The following ITGB6 variants were observed in gnomAD, a reference collection of about 807,000 sequenced individuals.
ITGB6 encodes integrin subunit beta 6, also known as integrin beta-6.
Under a neutral mutation model 84.5 loss-of-function variants are expected in ITGB6, and 80 were observed. The observed-to-expected ratio is 0.95, with a 90% CI of 0.79 to 1.14. The LOEUF (loss-of-function observed/expected upper bound fraction) is 1.14. Among genes scored for constraint, ITGB6 ranks in the 50% most tolerant of loss-of-function variants. The pLI is 0.00. For synonymous variants in ITGB6, 383 were observed against 354.9 expected (o/e 1.08, Z -0.89); for missense variants, 1,006 against 968.0 (o/e 1.04, Z -0.52).
At chr2:160,116,131 G>A (rs1193262466) in intron 12 of ITGB6, among the ~76,000 whole-genome samples, 3 of 147,698 alleles carry the variant, frequency 2.0e-5, no homozygotes, top group Non-Finnish European at 4.5e-5. Context: ...AGCAAGGCAG[G>A]CCAACGTTCA....
At chr2:160,103,144 T>C (rs1475160013) in intron 14 of ITGB6, among the ~76,000 whole-genome samples, 2 of 152,194 alleles carry the variant, frequency 1.3e-5, no homozygotes, top group African/African-American at 4.8e-5. Flanking sequence ...CCTCATTCCA[T>C]GAATTATAGC....
At chr2:160,117,478 A>C (rs139572962) in intron 12 of ITGB6, among the ~76,000 whole-genome samples, 3,815 of 152,260 alleles carry the variant, frequency 0.025, 60 homozygotes, top group Middle Eastern at 0.044. Flanking sequence ...AGAACAAAGA[A>C]ACAACATACC....
In ITGB6 at chr2:160,101,457, C is replaced by T; in HGVS notation, c.*279G>A. On this transcript the variant is annotated 3_prime_UTR_variant, in exon 15 of 15. Coordinates refer to ENST00000283249, the MANE Select transcript of ITGB6 (RefSeq NM_000888.5). The stretch of plus-strand genomic sequence containing the variant: ...AACATTTTTCAAATGCAAATCAGGC[C>T]CCCATGAATCATTTGATGATTTTTT... The T allele has an allele frequency of 3.1e-6, 1 of 325,434 alleles. No homozygotes were observed. The highest frequency in any genetic ancestry group is 5.6e-6 in the Non-Finnish European group (1 of 178,182). 20.2% of individuals were successfully genotyped at this position (325,434 alleles called of 1,614,324 possible).
At chr2:160,159,874 G>T (rs1459824827) in intron 7 of ITGB6, among the ~76,000 whole-genome samples, 1 of 152,038 alleles carries the variant, frequency 6.6e-6, no homozygotes, top group Non-Finnish European at 1.5e-5. Context: ...AGTTGTAATT[G>T]GTTGTTTTTT....
rs566349689 is a variant in ITGB6, at chr2:160,189,012, C to T, written c.593+6357G>A. 8.0e-4 allele frequency among the ~76,000 whole-genome samples: 122 copies of T among 152,116 alleles called. No individual in the cohort carries two copies. The Middle Eastern group carries it at 0.02, about 25-fold the overall frequency. On this transcript the variant is annotated intron_variant, in intron 4 of 14. Coordinates refer to ENST00000283249, the MANE Select transcript of ITGB6 (RefSeq NM_000888.5). The stretch of plus-strand genomic sequence containing the variant: ...ACTGGTACCAAAACAGAGATATAGA[C>T]CAATGGAACAGAACAGAGCCCTCAG...
intron 10 of ITGB6, 112 bp downstream of exon 10, chr2:160,137,322 A>C (rs1683779479): frequency 1.0e-6 from 1 of 1,001,032 alleles, no homozygotes; most frequent in South Asian, 1.6e-5. Flanking sequence ...CTGATCAGCA[A>C]ATATTTATTG....
intron 4 of ITGB6, among the ~76,000 whole-genome samples, chr2:160,185,027 T>C (rs924491728): frequency 3.3e-5 from 5 of 152,212 alleles, no homozygotes; most frequent in Non-Finnish European, 1.5e-5. Context: ...AATATCATAC[T>C]GAATGGGCAA....
intron 7 of ITGB6, among the ~76,000 whole-genome samples, chr2:160,145,570 T>A (rs1364915769): frequency 6.6e-6 from 1 of 152,192 alleles, no homozygotes; most frequent in Admixed American, 6.5e-5. Flanking sequence ...CAGGCAGATG[T>A]GATACAGAGG....
At chr2:160,176,173 G>A (rs1423755894) in intron 4 of ITGB6, among the ~76,000 whole-genome samples, 1 of 152,178 alleles carries the variant, frequency 6.6e-6, no homozygotes, top group Non-Finnish European at 1.5e-5. Flanking sequence ...ACCCCAGAAT[G>A]GATGTTCTTG....
At chr2:160,141,378 C>T (rs935525687) in intron 8 of ITGB6, among the ~76,000 whole-genome samples, 4 of 151,958 alleles carry the variant, frequency 2.6e-5, no homozygotes, top group Non-Finnish European at 4.4e-5. Flanking sequence ...ATAACAACAC[C>T]GTAGGTATAT....
At chr2:160,197,224 A>G (rs1686377784) in intron 2 of ITGB6, among the ~76,000 whole-genome samples, 1 of 152,048 alleles carries the variant, frequency 6.6e-6, no homozygotes, top group Admixed American at 6.5e-5. Flanking sequence ...TGAACCCGGG[A>G]GGCAGAGCTT....
intron 4 of ITGB6, among the ~76,000 whole-genome samples, chr2:160,176,494 T>G (rs1685425620): frequency 6.6e-6 from 1 of 152,202 alleles, no homozygotes; most frequent in Admixed American, 6.5e-5. Context: ...AAGACAACCT[T>G]ATTCTCTTAT....
chr2:160,119,155 G>A (rs1682913308), intron 12 of ITGB6, among the ~76,000 whole-genome samples: 1 of 152,068 alleles, frequency 6.6e-6, no homozygotes, highest in Non-Finnish European at 1.5e-5. Context: ...CACAGAATTG[G>A]AAAAAACTAC....
Position 160,195,422 on chromosome 2 carries a change from T to C in ITGB6, c.540A>G (p.Lys180=). The C allele has an allele frequency of 1.2e-6, 2 of 1,614,090 alleles. No individual in the cohort carries two copies. The highest frequency in any genetic ancestry group is 1.7e-6 in the Non-Finnish European group (2 of 1,179,990). ...TTGTTTTCACAAAAGGGGATACAGG[T>C]TTTTCCACAAAAGATCCGAAGCCCA... ...FRLGFGSFVE[K]PVSPFVKTTP... The change falls in exon 4 of 15, where the codon AAA becomes AAG. Residue 180 remains lysine (K), a synonymous_variant. Coordinates refer to ENST00000283249, the MANE Select transcript of ITGB6 (RefSeq NM_000888.5).
intron 12 of ITGB6, among the ~76,000 whole-genome samples, chr2:160,122,332 A>C (rs938942532): frequency 3.9e-5 from 6 of 152,208 alleles, no homozygotes; most frequent in Non-Finnish European, 7.3e-5. Context: ...ACTTAAATAT[A>C]GTAAGTACCT....
chr2:160,116,829 C>T (rs1682792120), intron 12 of ITGB6, among the ~76,000 whole-genome samples: 1 of 151,546 alleles, frequency 6.6e-6, no homozygotes, highest in Admixed American at 6.6e-5. Flanking sequence ...ATCTACCAAG[C>T]AAATGGAAAA....
intron 7 of ITGB6, among the ~76,000 whole-genome samples, chr2:160,154,012 G>A (rs1684529171): frequency 6.6e-6 from 1 of 152,218 alleles, no homozygotes; most frequent in Non-Finnish European, 1.5e-5. Flanking sequence ...AACCATTGTG[G>A]AAGACAGTGT....
At chr2:160,181,151 C>T (rs1685652085) in intron 4 of ITGB6, among the ~76,000 whole-genome samples, 1 of 152,120 alleles carries the variant, frequency 6.6e-6, no homozygotes, top group South Asian at 2.1e-4. Flanking sequence ...CGTTCACTCC[C>T]CTGAAAAGGG....
chr2:160,124,604 T>A (rs551936024), intron 11 of ITGB6, among the ~76,000 whole-genome samples: 2 of 152,326 alleles, frequency 1.3e-5, no homozygotes, highest in South Asian at 4.1e-4. Flanking sequence ...GAAAATCACT[T>A]TACAAATAGA....
Sources: gnomAD v4.1 joint callset for allele counts (sites outside exome capture counted in the v4.1 genomes callset) on GRCh38, gnomAD v4.1.1 for gene constraint, MANE v1.5 for transcripts, NCBI Gene and HGNC (gene_info 2026-07-23, HGNC 2026-07-21) for gene names.